The following ERICH2 variants were observed in gnomAD, a reference collection of about 807,000 sequenced individuals.
The protein encoded by ERICH2 is glutamate-rich protein 2.
Under a neutral mutation model 17.4 loss-of-function variants are expected in ERICH2, and 17 were observed. That is an observed-to-expected ratio of 0.98 (90% confidence interval 0.67 to 1.47). ERICH2 has a LOEUF of 1.47. ERICH2 is among the 40% of genes most tolerant of loss of function. ERICH2 has a pLI of 0.00. For missense variants in ERICH2, 186 were observed against 183.2 expected (o/e 1.01, Z -0.09); for synonymous variants, 51 against 61.1 (o/e 0.83, Z 0.77).
At chr2:170,785,344 C>A (rs928805935) in intron 2 of ERICH2, among the ~76,000 whole-genome samples, 1 of 152,080 alleles carries the variant, frequency 6.6e-6, no homozygotes, top group Non-Finnish European at 1.5e-5. Context: ...TTACTACTTT[C>A]ACCAGGTTAG....
At chr2:170,782,113 A>G (rs1321457028), upstream of ERICH2, 1 of 141,654 alleles carries the variant, frequency 7.1e-6, no homozygotes, top group Non-Finnish European at 1.4e-5. Context: ...AGAAGATACT[A>G]CATTTTAGCT....
intron 3 of ERICH2, among the ~76,000 whole-genome samples, chr2:170,793,544 G>A (rs1321266832): frequency 6.6e-6 from 1 of 152,236 alleles, no homozygotes; most frequent in Non-Finnish European, 1.5e-5. Context: ...GAGGCAGAGT[G>A]TGCCAGGGAG....
At chr2:170,787,193 C>T (rs900493278) in intron 2 of ERICH2, among the ~76,000 whole-genome samples, 3 of 152,160 alleles carry the variant, frequency 2.0e-5, no homozygotes, top group Admixed American at 2.0e-4. Flanking sequence ...CTGGGGACTA[C>T]AGGTGCACAC....
intron 2 of ERICH2, among the ~76,000 whole-genome samples, chr2:170,787,305 A>G (rs1277674879): frequency 6.7e-6 from 1 of 150,366 alleles, no homozygotes; most frequent in African/African-American, 2.5e-5. Flanking sequence ...ATATTGTTGG[A>G]CTTCGGTAAA....
At chr2:170,783,878 G>T in intron 1 of ERICH2, 1 of 1,550,528 alleles carries the variant, frequency 6.4e-7, no homozygotes, top group South Asian at 1.2e-5. Flanking sequence ...TAGACAGATG[G>T]CCTGAATAAC....
chr2:170,798,887 G>A (rs1337063063), exon 5 of ERICH2: 1 of 1,550,500 alleles, frequency 6.4e-7, no homozygotes, highest in Non-Finnish European at 8.7e-7. Flanking sequence ...GGTGAAGATG[G>A]ATCATGAGTG....
the ERICH2 span, chr2:170,777,783 C>T: frequency 1.4e-6 from 1 of 693,036 alleles, no homozygotes; most frequent in Non-Finnish European, 2.0e-6. Flanking sequence ...TTTGAAAGGC[C>T]AGAAATGCAT....
At chr2:170,783,774 C>T (rs1311643670), upstream of ERICH2, 5 of 1,549,296 alleles carry the variant, frequency 3.2e-6, no homozygotes, top group East Asian at 2.4e-5. Flanking sequence ...CCCTTGGTGA[C>T]ATCAGTGCAT....
chr2:170,790,675 A>G (rs1701269083), intron 2 of ERICH2, among the ~76,000 whole-genome samples: 3 of 150,540 alleles, frequency 2.0e-5, no homozygotes, highest in Admixed American at 2.0e-4. Context: ...GTGGTGGTGC[A>G]TGCCTGTAAT....
the ERICH2 span, among the ~76,000 whole-genome samples, chr2:170,773,778 T>A: frequency 6.6e-6 from 1 of 152,002 alleles, no homozygotes; most frequent in Non-Finnish European, 1.5e-5. Flanking sequence ...CAGGCTGGAG[T>A]ACAGTGGCAC....
At chr2:170,779,559 G>A (rs143012850), upstream of ERICH2, among the ~76,000 whole-genome samples, 1,231 of 152,188 alleles carry the variant, frequency 8.1e-3, 3 homozygotes, top group Non-Finnish European at 0.013. Context: ...AATAAAATAT[G>A]TATTTAATGC....
Position 170,784,609 on chromosome 2 carries a change from G to A in ERICH2, c.29-37G>A, listed in dbSNP as rs555299862. The stretch of plus-strand genomic sequence containing the variant: ...GCAAAATTTAATTTGCGAACTTTTC[G>A]ATCTCTTTTGATTAAATTAGGTATA... On this transcript the variant is annotated intron_variant, in intron 1 of 4. Coordinates refer to ENST00000409885, the Ensembl canonical transcript of ERICH2. The A allele has an allele frequency of 4.6e-6, 6 of 1,316,344 alleles. No homozygotes were observed. The South Asian group carries it at 6.3e-5, about 14-fold the overall frequency. 81.5% of individuals were successfully genotyped at this position (1,316,344 alleles called of 1,614,324 possible).
chr2:170,773,871 A>G, the ERICH2 span, among the ~76,000 whole-genome samples: 1 of 152,042 alleles, frequency 6.6e-6, no homozygotes, highest in East Asian at 1.9e-4. Context: ...GACTACAGGC[A>G]TACACCACCA....
intron 1 of ERICH2, chr2:170,784,008 G>A (rs886872697): frequency 8.2e-7 from 1 of 1,224,932 alleles, no homozygotes; most frequent in East Asian, 2.6e-5. Context: ...GTTGTTCTGT[G>A]TTTTCTTAAC....
At chr2:170,779,265 C>T (rs1415673140), upstream of ERICH2, among the ~76,000 whole-genome samples, 1 of 152,162 alleles carries the variant, frequency 6.6e-6, no homozygotes, top group Non-Finnish European at 1.5e-5. Context: ...GCTCTCCACC[C>T]TGCTGCTGGC....
the ERICH2 span, chr2:170,777,370 A>G: frequency 1.8e-6 from 2 of 1,110,224 alleles, no homozygotes; most frequent in Non-Finnish European, 2.2e-6. Flanking sequence ...TTCTGCTTCT[A>G]TTTTAGACAG....
At chr2:170,775,637 C>CT in the ERICH2 span, 2 of 152,186 alleles carry the variant, frequency 1.3e-5, no homozygotes, top group Non-Finnish European at 2.9e-5. Context: ...AGAGGAAAAT[C>CT]TTTCATTTAT....
At chr2:170,783,402 T>C (rs1233771906), upstream of ERICH2, 1 of 157,738 alleles carries the variant, frequency 6.3e-6, no homozygotes, top group Non-Finnish European at 1.4e-5. Context: ...ATATAAAAAT[T>C]AGCTGGGTGT....
exon 5 of ERICH2, chr2:170,798,879 TGAA>T: frequency 6.4e-7 from 1 of 1,550,580 alleles, no homozygotes; most frequent in South Asian, 1.2e-5. Flanking sequence ...CTGACGAAGG[TGAA>T]GATGGATCAT....
Sources: gnomAD v4.1 joint callset for allele counts (sites outside exome capture counted in the v4.1 genomes callset) on GRCh38, gnomAD v4.1.1 for gene constraint, MANE v1.5 for transcripts, NCBI Gene and HGNC (gene_info 2026-07-23, HGNC 2026-07-21) for gene names.